ATP8B4: variants seen among roughly 807,000 people sequenced by gnomAD.
ATP8B4 encodes ATPase phospholipid transporting 8B4 (putative), also known as probable phospholipid-transporting ATPase IM.
Under a neutral mutation model 145.6 loss-of-function variants are expected in ATP8B4, and 133 were observed. The ratio of observed to expected loss-of-function variants is 0.91; its 90% confidence interval spans 0.79 to 1.05. ATP8B4 has a LOEUF of 1.05. Among genes scored for constraint, ATP8B4 ranks in the 50% least tolerant of loss-of-function variants. The pLI, the probability that ATP8B4 is intolerant of heterozygous loss-of-function variation, is 0.00. For synonymous variants in ATP8B4, 507 were observed against 492.9 expected, an observed-to-expected ratio of 1.03 and a Z score of -0.38; for missense variants, 1,458 against 1,425.2, an observed-to-expected ratio of 1.02 and a Z score of -0.37.
At chr15:50,050,094 C>A (rs1282490573) in intron 3 of ATP8B4, among the ~76,000 whole-genome samples, 1 of 152,182 alleles carries the variant, frequency 6.6e-6, no homozygotes, top group Non-Finnish European at 1.5e-5. Flanking sequence ...TTTATTCTGA[C>A]TCAGACATTC....
At chr15:49,860,837 T>C (rs2031556073) in intron 27 of ATP8B4, among the ~76,000 whole-genome samples, 1 of 152,194 alleles carries the variant, frequency 6.6e-6, no homozygotes, top group African/African-American at 2.4e-5. Flanking sequence ...ACAGCCTTTT[T>C]CCTCTCTTTT....
intron 1 of ATP8B4, among the ~76,000 whole-genome samples, chr15:50,115,741 G>A (rs529764905): frequency 1.3e-5 from 2 of 152,140 alleles, no homozygotes; most frequent in South Asian, 2.1e-4. Context: ...CCATTCACTG[G>A]GGACTTGGCC....
chr15:50,114,103 C>CTTTTTTTTTTTTTTT lies in ATP8B4; in HGVS notation c.-43+5005_-43+5019dup, dbSNP rs755159123. On this transcript the variant is annotated intron_variant, in intron 1 of 27. Coordinates refer to ENST00000284509, the MANE Select transcript of ATP8B4 (RefSeq NM_024837.4). ...ATTTTCCTTCTTGGTCTCCTAGTTT[C>CTTTTTTTTTTTTTTT]TTTTTTTTTTTTTTTTTTTTTTTTT... Among the ~76,000 whole-genome samples the CTTTTTTTTTTTTTTT allele has an allele frequency of 6.9e-3, 385 of 55,634 alleles. 19 individuals are homozygous for CTTTTTTTTTTTTTTT. Among genetic ancestry groups the CTTTTTTTTTTTTTTT allele is most frequent in the Middle Eastern group, 0.028 (1 of 36 alleles). The allele number at this position is 55,634 out of a possible 152,430, so 36.5% of individuals were successfully genotyped here.
intron 2 of ATP8B4, among the ~76,000 whole-genome samples, chr15:50,104,111 A>G (rs551286252): frequency 6.6e-6 from 1 of 152,240 alleles, no homozygotes; most frequent in African/African-American, 2.4e-5. Flanking sequence ...AAATCTAAGA[A>G]CTGAAACTAT....
intron 1 of ATP8B4, among the ~76,000 whole-genome samples, chr15:50,179,726 A>G (rs1312915387): frequency 2.6e-5 from 4 of 152,224 alleles, no homozygotes; most frequent in Non-Finnish European, 1.5e-5. Context: ...TCTACCAAAC[A>G]GTACACAGTG....
At chr15:50,080,356 T>C (rs1170919657) in intron 2 of ATP8B4, among the ~76,000 whole-genome samples, 1 of 152,178 alleles carries the variant, frequency 6.6e-6, no homozygotes, top group African/African-American at 2.4e-5. Context: ...TCAAAAAGAA[T>C]AACCCAGTTT....
At chr15:50,017,277 C>T (rs1268169052) in intron 6 of ATP8B4, among the ~76,000 whole-genome samples, 1 of 152,190 alleles carries the variant, frequency 6.6e-6, no homozygotes, top group Non-Finnish European at 1.5e-5. Flanking sequence ...TAACCACCGA[C>T]TATCTAACTA....
chr15:49,927,259 T>C (rs1043039589), intron 16 of ATP8B4, among the ~76,000 whole-genome samples: 11 of 152,100 alleles, frequency 7.2e-5, no homozygotes, highest in African/African-American at 2.7e-4. Flanking sequence ...CTACTGGTAT[T>C]GAAATTATAC....
chr15:50,153,003 C>T (rs2044366123), intron 1 of ATP8B4, among the ~76,000 whole-genome samples: 1 of 152,166 alleles, frequency 6.6e-6, no homozygotes, highest in Non-Finnish European at 1.5e-5. Context: ...CATTTAATTA[C>T]ACACAGAAAG....
At chr15:50,100,320 G>C (rs1011430460) in intron 2 of ATP8B4, among the ~76,000 whole-genome samples, 1 of 152,166 alleles carries the variant, frequency 6.6e-6, no homozygotes, top group Admixed American at 6.5e-5. Flanking sequence ...TAGATCTCCA[G>C]TCTGTGCCCC....
chr15:50,000,244 G>A (rs1238799238), intron 8 of ATP8B4, among the ~76,000 whole-genome samples: 1 of 152,120 alleles, frequency 6.6e-6, no homozygotes, highest in Non-Finnish European at 1.5e-5. Flanking sequence ...TATGTTAACT[G>A]CATGTTCAGT....
At chr15:49,867,451 G>A (rs1479440681) in intron 25 of ATP8B4, among the ~76,000 whole-genome samples, 1 of 152,146 alleles carries the variant, frequency 6.6e-6, no homozygotes, top group Non-Finnish European at 1.5e-5. Context: ...GTTTATAAAA[G>A]TACAGCCTTT....
chr15:50,020,220 G>A (rs1374126322), intron 6 of ATP8B4, among the ~76,000 whole-genome samples: 3 of 151,324 alleles, frequency 2.0e-5, no homozygotes, highest in African/African-American at 4.9e-5. Context: ...CTCCCAAAGT[G>A]CTGAGATTAT....
intron 9 of ATP8B4, among the ~76,000 whole-genome samples, chr15:49,991,332 A>G (rs1167190365): frequency 2.0e-5 from 3 of 152,224 alleles, no homozygotes; most frequent in African/African-American, 7.2e-5. Flanking sequence ...TAACAGTCAT[A>G]CAAAATATGT....
chr15:49,901,005 G>T, intron 21 of ATP8B4, 87 bp downstream of exon 21: 1 of 1,480,330 alleles, frequency 6.8e-7, no homozygotes, highest in Non-Finnish European at 9.2e-7. Context: ...GTCTGGAAAA[G>T]ACAAAGGAGG....
At chr15:50,085,928 CAT>C (rs1335833204) in intron 2 of ATP8B4, among the ~76,000 whole-genome samples, 18 of 50,434 alleles carry the variant, frequency 3.6e-4, no homozygotes, top group South Asian at 6.2e-4. Context: ...TGATATATAT[CAT>C]ATATATTTAT....
chr15:50,066,525 G>T (rs2053392901), intron 3 of ATP8B4, among the ~76,000 whole-genome samples: 1 of 152,098 alleles, frequency 6.6e-6, no homozygotes, highest in Non-Finnish European at 1.5e-5. Context: ...TGCTCAAGAA[G>T]AATAGAGACC....
chr15:50,000,781 G>GCC (rs979962534), intron 8 of ATP8B4, among the ~76,000 whole-genome samples: 57 of 152,172 alleles, frequency 3.7e-4, no homozygotes, highest in African/African-American at 1.3e-3. Flanking sequence ...TGACCAGACA[G>GCC]CCCTAGATTT....
chr15:50,093,481 C>T (rs1241101554), intron 2 of ATP8B4, among the ~76,000 whole-genome samples: 2 of 151,730 alleles, frequency 1.3e-5, no homozygotes, highest in East Asian at 3.9e-4. Context: ...AATGTTGTAA[C>T]CAGAGTAATC....
Sources: gnomAD v4.1 joint callset for allele counts (sites outside exome capture counted in the v4.1 genomes callset) on GRCh38, gnomAD v4.1.1 for gene constraint, MANE v1.5 for transcripts, NCBI Gene and HGNC (gene_info 2026-07-23, HGNC 2026-07-21) for gene names.